Variants in AKIRIN2 observed in about 807,000 individuals in gnomAD.
AKIRIN2 encodes the protein akirin 2.
Under a neutral mutation model 29.3 loss-of-function variants are expected in AKIRIN2, and 6 were observed. The ratio of observed to expected loss-of-function variants is 0.20; its 90% CI spans 0.11 to 0.40. AKIRIN2 has a LOEUF of 0.40. Ranked by LOEUF, AKIRIN2 falls within the 10% of genes least tolerant of loss-of-function variation. The pLI is 1.00. For synonymous variants in AKIRIN2, 128 were observed against 117.5 expected, an observed-to-expected ratio of 1.09 and a Z score of -0.58; for missense variants, 210 against 276.1, an observed-to-expected ratio of 0.76 and a Z score of 1.70.
intron 1 of AKIRIN2, among the ~76,000 whole-genome samples, chr6:87,687,919 G>A (rs905902347): frequency 1.3e-5 from 2 of 152,286 alleles, no homozygotes; most frequent in South Asian, 4.1e-4. Context: ...CTTGAGGCCC[G>A]GAGTTGGAGA....
chr6:87,692,415 G>C (rs1269784391), intron 1 of AKIRIN2, among the ~76,000 whole-genome samples: 2 of 152,228 alleles, frequency 1.3e-5, no homozygotes, highest in Non-Finnish European at 2.9e-5. Flanking sequence ...GAACATGGCA[G>C]AGCCAGGTTT....
chr6:87,676,267 A>G (rs1054949997), intron 3 of AKIRIN2, among the ~76,000 whole-genome samples: 5 of 151,026 alleles, frequency 3.3e-5, no homozygotes, highest in Non-Finnish European at 7.4e-5. Context: ...GATCGAGACC[A>G]TCCTGGCTAA....
intron 1 of AKIRIN2, among the ~76,000 whole-genome samples, chr6:87,685,952 C>T (rs1050496081): frequency 4.6e-5 from 7 of 152,280 alleles, no homozygotes; most frequent in African/African-American, 1.7e-4. Flanking sequence ...CAGTGGCTCA[C>T]CCCTTTAATC....
rs1295913860 is a variant in AKIRIN2, at chr6:87,681,617, T to C, written c.379+3A>G. On this transcript the variant is annotated splice_donor_region_variant and intron_variant, in intron 2 of 4. Coordinates refer to ENST00000257787, the MANE Select transcript of AKIRIN2 (RefSeq NM_018064.4). ...CTTTGTAAATGACAAGAAATGTTATTACCTGGTGAAGCTGGTCCACTGAGG... is the reference window on the plus strand; with the variant it reads ...CTTTGTAAATGACAAGAAATGTTATCACCTGGTGAAGCTGGTCCACTGAGG... 2.5e-6 allele frequency: 4 copies of C among 1,599,302 alleles called. No individual in the cohort carries two copies. The highest frequency in any genetic ancestry group is 2.7e-5 in the African/African-American group (2 of 73,896).
At position 87,701,500 on chromosome 6, in the gene AKIRIN2, A is replaced by G; in HGVS notation, c.185T>C (p.Leu62Pro). 4 of 1,484,752 alleles carry G rather than the reference A, an allele frequency of 2.7e-6. No homozygotes were observed. Among genetic ancestry groups the G allele is most frequent in the Non-Finnish European group, 3.6e-6 (4 of 1,122,450 alleles). The allele number at this position is 1,484,752 out of a possible 1,614,324, so 92.0% of individuals were successfully genotyped here. A position where few individuals can be genotyped will look rare whatever the true frequency, so the allele number is the denominator to read the frequency against. Residue 62 changes from leucine to proline, a missense_variant, in exon 1 of 5, where the codon CTC (leucine) becomes CCC (proline). By Grantham distance (98) the Leu-to-Pro change is moderately conservative. Transcript: ENST00000257787. The part of the protein sequence containing the change: ...SAAAASPQKY[L>P]RMEPSPFGDV... ...GCCGAAGGGGGATGGCTCCATTCGG[A>G]GATACTTCTGCGGCGAGGCGGCCGC...
At chr6:87,681,491 G>T in intron 2 of AKIRIN2, 129 bp downstream of exon 2, 2 of 877,494 alleles carry the variant, frequency 2.3e-6, no homozygotes, top group Non-Finnish European at 3.3e-6. Flanking sequence ...AAGATGTCAT[G>T]CATTACTTGT....
In AKIRIN2 at chr6:87,681,735, C is replaced by T; in HGVS notation, c.264G>A (p.Glu88=). ...TEQILYNIKQ[E]YKRMQKRRHL... is the part of the protein sequence containing the mutation. ...GTCTTCTCTTCTGCATTCGTTTATACTCTTGTTTTATGTTGTACAGAATTT... is the reference window on the plus strand; with the variant it reads ...GTCTTCTCTTCTGCATTCGTTTATATTCTTGTTTTATGTTGTACAGAATTT... The change falls in exon 2 of 5, where the codon GAG becomes GAA. Residue 88 remains glutamate (E), a synonymous_variant. Coordinates refer to ENST00000257787, the MANE Select transcript of AKIRIN2 (RefSeq NM_018064.4). 6.2e-7 allele frequency: 1 copy of T among 1,608,678 alleles called. No individual in the cohort carries two copies.
chr6:87,682,410 C>T (rs1018386258), intron 1 of AKIRIN2, among the ~76,000 whole-genome samples: 2 of 152,120 alleles, frequency 1.3e-5, no homozygotes, highest in Non-Finnish European at 2.9e-5. Flanking sequence ...ATGACAGGTC[C>T]TCAATAAATA....
intron 1 of AKIRIN2, among the ~76,000 whole-genome samples, chr6:87,696,200 G>C (rs770774513): frequency 6.6e-6 from 1 of 151,854 alleles, no homozygotes; most frequent in African/African-American, 2.4e-5. Flanking sequence ...ACAAAGACCC[G>C]ATTAGTATGT....
At chr6:87,697,889 A>G (rs1771397023) in intron 1 of AKIRIN2, among the ~76,000 whole-genome samples, 1 of 152,230 alleles carries the variant, frequency 6.6e-6, no homozygotes, top group African/African-American at 2.4e-5. Context: ...AAACTCACAA[A>G]TACATTAACA....
At chr6:87,697,673 G>C (rs565041207) in intron 1 of AKIRIN2, among the ~76,000 whole-genome samples, 1 of 152,164 alleles carries the variant, frequency 6.6e-6, no homozygotes, top group Non-Finnish European at 1.5e-5. Context: ...TGGTGTCTCC[G>C]TTTGCAGGCA....
intron 3 of AKIRIN2, 140 bp downstream of exon 3, chr6:87,677,678 A>G: frequency 4.7e-6 from 5 of 1,064,792 alleles, no homozygotes; most frequent in Non-Finnish European, 6.7e-6. Context: ...AAGAAGGTTA[A>G]TTTTCTTTCC....
chr6:87,678,304 C>T (rs1771059427), intron 2 of AKIRIN2, among the ~76,000 whole-genome samples: 1 of 151,824 alleles, frequency 6.6e-6, no homozygotes, highest in Non-Finnish European at 1.5e-5. Flanking sequence ...TTGAAACCAG[C>T]CTGGCCAACA....
Position 87,681,751 on chromosome 6 carries a change from T to C in AKIRIN2, c.248A>G (p.Tyr83Cys), listed in dbSNP as rs1771125730. The C allele has an allele frequency of 1.3e-6, 2 of 1,585,088 alleles. No homozygotes were observed. Among genetic ancestry groups the C allele is most frequent in the Non-Finnish European group, 1.7e-6 (2 of 1,170,480 alleles). Reference protein sequence around the residue: ...SSRLTTEQILYNIKQEYKRMQ... With the variant: ...SSRLTTEQILCNIKQEYKRMQ... ...TCGTTTATACTCTTGTTTTATGTTGTACAGAATTTGTTCTAAAATAAAAAA... is the reference window on the plus strand; with the variant it reads ...TCGTTTATACTCTTGTTTTATGTTGCACAGAATTTGTTCTAAAATAAAAAA... The change falls in exon 2 of 5, where the codon TAC (tyrosine) becomes TGC (cysteine). Residue 83 changes from tyrosine (Y) to cysteine (C), a missense_variant. This residue lies in a region of AKIRIN2 where 199 missense variants were observed against 236.5 expected (regional missense o/e 0.84). Coordinates refer to ENST00000257787, the MANE Select transcript of AKIRIN2 (RefSeq NM_018064.4).
At chr6:87,677,543 C>T (rs1211533709) in intron 3 of AKIRIN2, among the ~76,000 whole-genome samples, 2 of 152,010 alleles carry the variant, frequency 1.3e-5, no homozygotes, top group African/African-American at 4.8e-5. Context: ...TCAAAAAATC[C>T]ACAACCAAAT....
intron 1 of AKIRIN2, among the ~76,000 whole-genome samples, chr6:87,690,310 G>T (rs1582122774): frequency 6.6e-6 from 1 of 151,664 alleles, no homozygotes; most frequent in Non-Finnish European, 1.5e-5. Flanking sequence ...AGGAAGGAAA[G>T]CAAGACATTA....
intron 1 of AKIRIN2, among the ~76,000 whole-genome samples, chr6:87,697,707 C>G (rs1251561901): frequency 1.3e-5 from 2 of 152,212 alleles, no homozygotes; most frequent in Admixed American, 6.5e-5. Flanking sequence ...GGTGAACAAT[C>G]TATGTTCCTG....
chr6:87,697,458 G>C (rs1771389159), intron 1 of AKIRIN2, among the ~76,000 whole-genome samples: 2 of 152,090 alleles, frequency 1.3e-5, no homozygotes, highest in African/African-American at 2.4e-5. Context: ...TCAGGTTTAA[G>C]ACTCAAAGTA....
intron 1 of AKIRIN2, among the ~76,000 whole-genome samples, chr6:87,686,822 G>A (rs1282002576): frequency 6.6e-6 from 1 of 152,034 alleles, no homozygotes; most frequent in African/African-American, 2.4e-5. Flanking sequence ...AAGGCAGGCG[G>A]ATCACCTGAG....
Sources: gnomAD v4.1 joint callset for allele counts (sites outside exome capture counted in the v4.1 genomes callset) on GRCh38, gnomAD v4.1.1 for gene constraint, gnomAD v4.1.1 regional missense constraint, MANE v1.5 for transcripts, NCBI Gene and HGNC (gene_info 2026-07-23, HGNC 2026-07-21) for gene names.